UNC80: variants seen among roughly 807,000 people sequenced by gnomAD.
UNC80 encodes the protein unc-80 subunit of NALCN channel complex, also known as protein unc-80 homolog.
In UNC80, 164 loss-of-function variants were observed where a neutral mutation model predicts 384.6. The observed-to-expected ratio is 0.43, with a 90% CI of 0.38 to 0.49. The LOEUF (loss-of-function observed/expected upper bound fraction) is 0.49, where lower values mean the gene tolerates loss of function less well. Ranked by LOEUF, UNC80 falls within the 20% of genes least tolerant of loss-of-function variation. UNC80 has a pLI of 0.00. For synonymous variants in UNC80, 1,486 were observed against 1,527.8 expected, an observed-to-expected ratio of 0.97 and a Z score of 0.64; for missense variants, 3,330 against 4,143.0, an observed-to-expected ratio of 0.80 and a Z score of 5.39.
intron 21 of UNC80, among the ~76,000 whole-genome samples, chr2:209,843,357 C>CT (rs1559183379): frequency 6.6e-6 from 1 of 151,940 alleles, no homozygotes; most frequent in Non-Finnish European, 1.5e-5. Context: ...TTTTTGCTAG[C>CT]TTTTTTTCAC....
rs1488556538 is a variant in UNC80, at chr2:209,786,204, C to A, written c.724+15C>A. 6.2e-7 allele frequency: 1 copy of A among 1,612,692 alleles called. No homozygotes were observed. The highest frequency in any genetic ancestry group is 8.5e-7 in the Non-Finnish European group (1 of 1,179,192). On this transcript the variant is annotated intron_variant, in intron 5 of 64. Coordinates refer to ENST00000673920, the MANE Select transcript of UNC80 (RefSeq NM_001371986.1). ...CATCATTACAGGTTTGTAACTTGGA[C>A]ACTCAGTAGGACAGTATTAGCAGAT...
At chr2:209,930,796 C>T (rs949178267) in intron 37 of UNC80, among the ~76,000 whole-genome samples, 172 bp from the exon 38 acceptor site, 12 of 152,148 alleles carry the variant, frequency 7.9e-5, no homozygotes, top group African/African-American at 2.9e-4. Flanking sequence ...GGTTTAAATA[C>T]TACTTAACAA....
At chr2:209,774,208 G>T (rs1162712160) in intron 2 of UNC80, among the ~76,000 whole-genome samples, 2 of 152,140 alleles carry the variant, frequency 1.3e-5, no homozygotes, top group African/African-American at 4.8e-5. Flanking sequence ...ACTCACGTAG[G>T]AATTTGTTTT....
intron 55 of UNC80, 123 bp downstream of exon 55, chr2:209,972,447 T>G: frequency 2.3e-6 from 3 of 1,313,288 alleles, no homozygotes; most frequent in African/African-American, 3.0e-5. Context: ...ATGATTTAAA[T>G]AGGGTCATCT....
intron 20 of UNC80, 22 bp downstream of exon 20, chr2:209,840,670 TAAGTGACTGTTG>T (rs757211422): frequency 3.6e-5 from 56 of 1,539,888 alleles, no homozygotes; most frequent in Non-Finnish European, 4.7e-5. Flanking sequence ...ATAACTTGTG[TAAGTGACTGTTG>T]AAGTCGCTGA....
chr2:209,779,816 A>G (rs1471859778), intron 4 of UNC80, among the ~76,000 whole-genome samples: 1 of 152,232 alleles, frequency 6.6e-6, no homozygotes, highest in Non-Finnish European at 1.5e-5. Context: ...ATGTTGACAA[A>G]TATCACCTGG....
intron 56 of UNC80, among the ~76,000 whole-genome samples, chr2:209,975,136 C>T (rs567064811): frequency 6.6e-6 from 1 of 152,276 alleles, no homozygotes; most frequent in South Asian, 2.1e-4. Flanking sequence ...TTTCTGTGTG[C>T]ATTTAGTCAC....
intron 7 of UNC80, chr2:209,795,942 G>A (rs1054949715): frequency 1.3e-5 from 2 of 152,298 alleles, no homozygotes; most frequent in Non-Finnish European, 2.9e-5. Context: ...CTAATGGAGT[G>A]CTGCCAGGTG....
At chr2:209,908,021 A>C (rs1390574139) in intron 29 of UNC80, among the ~76,000 whole-genome samples, 4 of 152,222 alleles carry the variant, frequency 2.6e-5, no homozygotes, top group Non-Finnish European at 5.9e-5. Context: ...TAGAGAGCTA[A>C]AAAGATGAAT....
chr2:209,957,075 A>G (rs1309878932), intron 48 of UNC80, among the ~76,000 whole-genome samples: 1 of 152,224 alleles, frequency 6.6e-6, no homozygotes, highest in African/African-American at 2.4e-5. Flanking sequence ...GCAGATATAA[A>G]ATGAGATGAT....
intron 7 of UNC80, among the ~76,000 whole-genome samples, chr2:209,801,272 C>T (rs1333969054): frequency 6.6e-6 from 1 of 151,692 alleles, no homozygotes; most frequent in Non-Finnish European, 1.5e-5. Flanking sequence ...AATAGCTCTT[C>T]CTATTGAATT....
intron 22 of UNC80, among the ~76,000 whole-genome samples, chr2:209,855,269 C>T (rs1176299324): frequency 6.6e-6 from 1 of 151,922 alleles, no homozygotes; most frequent in Non-Finnish European, 1.5e-5. Context: ...CACATGGACA[C>T]AGGGGAACAA....
At chr2:209,772,285 G>A in intron 1 of UNC80, 121 bp downstream of exon 1, 1 of 379,082 alleles carries the variant, frequency 2.6e-6, no homozygotes, top group Non-Finnish European at 4.4e-6. Flanking sequence ...CTCCCTCTCT[G>A]GGGCTGGAAA....
chr2:209,840,744 G>A, intron 20 of UNC80, 96 bp downstream of exon 20: 3 of 993,414 alleles, frequency 3.0e-6, no homozygotes, highest in Non-Finnish European at 4.5e-6. Context: ...GGCCAAATAA[G>A]GAAAAGCTGA....
intron 4 of UNC80, among the ~76,000 whole-genome samples, chr2:209,781,237 G>T (rs552679888): frequency 6.6e-6 from 1 of 152,178 alleles, no homozygotes; most frequent in African/African-American, 2.4e-5. Context: ...AATTTTCACT[G>T]CCATTTCTAA....
intron 38 of UNC80, among the ~76,000 whole-genome samples, chr2:209,932,426 C>T (rs1211905422): frequency 4.6e-5 from 7 of 152,178 alleles, no homozygotes; most frequent in Non-Finnish European, 1.0e-4. Flanking sequence ...CAAATTTACA[C>T]TCCATCCAGG....
chr2:209,877,769 G>A (rs188503379), intron 23 of UNC80, among the ~76,000 whole-genome samples, 185 bp from the exon 24 acceptor site: 12 of 152,306 alleles, frequency 7.9e-5, no homozygotes, highest in Middle Eastern at 6.8e-3. Context: ...CTTGGGGATA[G>A]CTGTTTCTTC....
At chr2:209,782,213 C>T (rs2077188039) in intron 4 of UNC80, among the ~76,000 whole-genome samples, 1 of 152,162 alleles carries the variant, frequency 6.6e-6, no homozygotes, top group African/African-American at 2.4e-5. Context: ...GTTAATTTCT[C>T]GTCATACAGA....
At chr2:209,892,792 A>G (rs2086466652) in intron 26 of UNC80, among the ~76,000 whole-genome samples, 1 of 152,124 alleles carries the variant, frequency 6.6e-6, no homozygotes, top group South Asian at 2.1e-4. Context: ...AATTAAACAT[A>G]AAAATAATAT....
Sources: gnomAD v4.1 joint callset for allele counts (sites outside exome capture counted in the v4.1 genomes callset) on GRCh38, gnomAD v4.1.1 for gene constraint, MANE v1.5 for transcripts, NCBI Gene and HGNC (gene_info 2026-07-23, HGNC 2026-07-21) for gene names.